Variants in ABL1 observed in about 807,000 individuals in gnomAD.
ABL1 encodes the protein ABL proto-oncogene 1, non-receptor tyrosine kinase.
A neutral mutation model predicts 94.7 loss-of-function variants in ABL1; 11 were observed. The observed-to-expected ratio is 0.12, with a 90% CI of 0.07 to 0.19. ABL1 has a LOEUF of 0.19. Ranked by LOEUF, ABL1 falls within the 10% of genes least tolerant of loss-of-function variation. The probability of loss-of-function intolerance (pLI) is 1.00; values close to 1 mark genes in which losing one functional copy is unlikely to be tolerated. For missense variants in ABL1, 1,082 were observed against 1,489.4 expected, an observed-to-expected ratio of 0.73 and a Z score of 4.50; for synonymous variants, 656 against 622.4, an observed-to-expected ratio of 1.05 and a Z score of -0.80.
intron 1 of ABL1, among the ~76,000 whole-genome samples, chr9:130,774,200 G>T (rs1832286246): frequency 6.6e-6 from 1 of 152,046 alleles, no homozygotes; most frequent in South Asian, 2.1e-4. Context: ...CCCTTTTTGG[G>T]CTAATACAAA....
At chr9:130,749,454 A>G (rs1326220288) in intron 1 of ABL1, among the ~76,000 whole-genome samples, 2 of 152,250 alleles carry the variant, frequency 1.3e-5, no homozygotes, top group East Asian at 3.8e-4. Context: ...CTAACCTCCC[A>G]GAGCCTATCC....
chr9:130,821,320 G>A (rs1239430275), intron 1 of ABL1, among the ~76,000 whole-genome samples: 1 of 152,028 alleles, frequency 6.6e-6, no homozygotes, highest in Non-Finnish European at 1.5e-5. Context: ...AGCCCCAGGC[G>A]ACCATTCATT....
At chr9:130,784,208 C>A (rs1046500380) in intron 1 of ABL1, among the ~76,000 whole-genome samples, 2 of 152,146 alleles carry the variant, frequency 1.3e-5, no homozygotes, top group African/African-American at 4.8e-5. Flanking sequence ...AATAAAGGCA[C>A]CTCTTGCAGT....
intron 1 of ABL1, among the ~76,000 whole-genome samples, chr9:130,721,687 G>A (rs1339138901): frequency 3.3e-5 from 5 of 152,268 alleles, no homozygotes; most frequent in African/African-American, 1.2e-4. Flanking sequence ...TCCAATCTGG[G>A]TGACAGAGTG....
rs1830254908 is a variant in ABL1, at chr9:130,814,333, T to C, written c.137-39731T>C. Among the ~76,000 whole-genome samples the C allele has an allele frequency of 6.6e-6, 1 of 150,824 alleles. No individual in the cohort carries two copies. The highest frequency in any genetic ancestry group is 2.4e-5 in the African/African-American group (1 of 41,062). ...GAAAAAGAAAAGGCCAGTCTGGAAA[T>C]CAATGAAACAGAAAACCAGTACAGA... On this transcript the variant is annotated intron_variant, in intron 1 of 10. Transcript: ENST00000372348. The surrounding 1 kb of genome is among the most constrained non-coding windows in gnomAD (Gnocchi z 4.4).
chr9:130,819,337 G>A (rs1462259276), intron 1 of ABL1, among the ~76,000 whole-genome samples: 1 of 151,862 alleles, frequency 6.6e-6, no homozygotes, highest in Non-Finnish European at 1.5e-5. Flanking sequence ...CTGGGCAACA[G>A]AGCGAGACTC....
At position 130,884,114 on chromosome 9, in the gene ABL1, G is replaced by A. The variant is rs1168285045; in HGVS notation, c.1824G>A (p.Lys608=). The change falls in exon 11 of 11, where the codon AAG becomes AAA. Residue 608 remains lysine (K), a synonymous_variant. Coordinates refer to ENST00000318560, the MANE Select transcript of ABL1 (RefSeq NM_005157.6). This position sits in a 1 kb window ranked among gnomAD's most constrained non-coding sequence, Gnocchi z 5.6. ...TCAGCGCCTTGATCAAGAAGAAGAA[G>A]AAGACAGCCCCAACCCCTCCCAAAC... ...NLFSALIKKK[K]KTAPTPPKRS... 1.2e-6 allele frequency: 2 copies of A among 1,613,698 alleles called. No homozygotes were observed. Among genetic ancestry groups the A allele is most frequent in the African/African-American group, 2.7e-5 (2 of 74,952 alleles).
At chr9:130,810,633 GA>G (rs1253632688) in intron 1 of ABL1, among the ~76,000 whole-genome samples, 2 of 151,550 alleles carry the variant, frequency 1.3e-5, no homozygotes, top group African/African-American at 2.4e-5. Context: ...AAGAAACCCT[GA>G]AAAAAATACA....
chr9:130,789,950 G>A (rs1214579141), intron 1 of ABL1, among the ~76,000 whole-genome samples: 1 of 152,208 alleles, frequency 6.6e-6, no homozygotes, highest in Non-Finnish European at 1.5e-5. Context: ...TGTCTAATTG[G>A]AGTTCCAGAA....
intron 1 of ABL1, among the ~76,000 whole-genome samples, chr9:130,751,129 CTTTTTTTTTTT>C (rs60206110): frequency 6.1e-4 from 35 of 57,482 alleles, no homozygotes; most frequent in East Asian, 4.8e-3. Flanking sequence ...TTTTATTCAG[CTTTTTTTTTTT>C]TTTTTTTTTT....
At chr9:130,749,045 A>G (rs1352273837) in intron 1 of ABL1, among the ~76,000 whole-genome samples, 1 of 152,156 alleles carries the variant, frequency 6.6e-6, no homozygotes, top group Non-Finnish European at 1.5e-5. Flanking sequence ...ATACTGGTTT[A>G]GTATTGCTGT....
At chr9:130,796,010 C>T (rs1829969330) in intron 1 of ABL1, among the ~76,000 whole-genome samples, 2 of 150,608 alleles carry the variant, frequency 1.3e-5, no homozygotes, top group South Asian at 4.2e-4. Flanking sequence ...CCTGTCTCTA[C>T]CAAAAATACA....
intron 1 of ABL1, among the ~76,000 whole-genome samples, chr9:130,775,730 C>A (rs1226832725): frequency 6.6e-6 from 1 of 151,502 alleles, no homozygotes; most frequent in East Asian, 1.9e-4. Flanking sequence ...GGAATCAGAG[C>A]AAATCCCACG....
chr9:130,719,461 C>G (rs538509947), intron 1 of ABL1, among the ~76,000 whole-genome samples: 1 of 152,060 alleles, frequency 6.6e-6, no homozygotes, highest in South Asian at 2.1e-4. Flanking sequence ...CCCAGGAGGT[C>G]GAGGTTGCAA....
At chr9:130,715,341 C>T (rs36126436) in intron 1 of ABL1, among the ~76,000 whole-genome samples, 1,564 of 152,236 alleles carry the variant, frequency 0.01, 8 homozygotes, top group Middle Eastern at 0.017. Flanking sequence ...ATCAGTTGAG[C>T]CCACCTATCC....
intron 1 of ABL1, among the ~76,000 whole-genome samples, chr9:130,813,453 C>T (rs542711359): frequency 1.3e-5 from 2 of 148,264 alleles, no homozygotes; most frequent in South Asian, 2.1e-4. Flanking sequence ...CTCAGCTACT[C>T]AGGAGGCTGA....
chr9:130,744,797 C>T (rs1470123260), intron 1 of ABL1, among the ~76,000 whole-genome samples: 1 of 145,394 alleles, frequency 6.9e-6, no homozygotes, highest in Non-Finnish European at 1.5e-5. Context: ...GCGGAGCTTG[C>T]AGTGAGCCAA....
In ABL1 at chr9:130,880,976, T is replaced by G. The variant is rs35281306; in HGVS notation, c.1678+312T>G. Among the ~76,000 whole-genome samples, 7 of 152,328 alleles carry G rather than the reference T, an allele frequency of 4.6e-5. No individual in the cohort carries two copies. Among genetic ancestry groups the G allele is most frequent in the Non-Finnish European group, 1.0e-4 (7 of 68,028 alleles). On this transcript the variant is annotated intron_variant, in intron 10 of 10. Coordinates refer to ENST00000318560, the MANE Select transcript of ABL1 (RefSeq NM_005157.6). This position sits in a 1 kb window ranked among gnomAD's most constrained non-coding sequence, Gnocchi z 4.4. ...TATTACCCGCGGCATCTGTGGTTGCTGTCTCAGAGCAGATTCAACAATAGT... is the reference window on the plus strand; with the variant it reads ...TATTACCCGCGGCATCTGTGGTTGCGGTCTCAGAGCAGATTCAACAATAGT...
chr9:130,880,609 C>G lies in ABL1; in HGVS notation c.1623C>G (p.His541Gln), dbSNP rs1448757818. The G allele has an allele frequency of 1.9e-6, 3 of 1,613,698 alleles. No individual in the cohort carries two copies. Among genetic ancestry groups the G allele is most frequent in the Non-Finnish European group, 2.5e-6 (3 of 1,179,890 alleles). The change falls in exon 10 of 11, where the codon CAC (histidine) becomes CAG (glutamine). Residue 541 changes from histidine to glutamine, a missense_variant. His to Gln is a conservative substitution (Grantham distance 24). Transcript: ENST00000318560. This position sits in a 1 kb window ranked among gnomAD's most constrained non-coding sequence, Gnocchi z 4.4. ...KTRTSRRAAE[H>Q]RDTTDVPEMP... ...GGACCTCCAGGAGAGCTGCAGAGCA[C>G]AGAGACACCACTGACGTGCCTGAGA...
Sources: allele counts gnomAD v4.1 joint callset (sites outside exome capture counted in the v4.1 genomes callset), GRCh38; gene constraint gnomAD v4.1.1; non-coding constraint Gnocchi (gnomAD v3.1); transcripts MANE v1.5; gene names NCBI Gene and HGNC (gene_info 2026-07-23, HGNC 2026-07-21).